Variants in NCKAP5 observed in about 807,000 individuals in gnomAD.
NCKAP5 encodes the protein NCK associated protein 5, also known as nck-associated protein 5.
In NCKAP5, 92 loss-of-function variants were observed where a neutral mutation model predicts 167.0. The observed-to-expected ratio is 0.55, with a 90% CI of 0.47 to 0.66. The LOEUF (loss-of-function observed/expected upper bound fraction) is 0.66. Among genes scored for constraint, NCKAP5 ranks in the 30% least tolerant of loss-of-function variants. NCKAP5 has a pLI of 0.00. For synonymous variants in NCKAP5, 891 were observed against 877.4 expected (o/e 1.02, Z -0.27); for missense variants, 2,378 against 2,315.0 (o/e 1.03, Z -0.56).
chr2:133,532,413 T>C lies in NCKAP5; in HGVS notation c.-61-14826A>G, dbSNP rs538894037. On this transcript the variant is annotated intron_variant, in intron 2 of 19. Transcript: ENST00000409261. ...GTTTGAGTGAGAAGGCAGTGCCAAA[T>C]TGCTCCCCAAAAATGACTGTACTGT... Among the ~76,000 whole-genome samples the C allele has an allele frequency of 9.7e-4, 147 of 152,282 alleles. 1 individual carries two copies. The South Asian group carries it at 0.013, about 14-fold the overall frequency.
the NCKAP5 span, among the ~76,000 whole-genome samples, chr2:133,644,778 A>G: frequency 6.6e-6 from 1 of 152,232 alleles, no homozygotes; most frequent in African/African-American, 2.4e-5. Context: ...CCAAACTTGC[A>G]TAGTTCAGCA....
chr2:133,112,529 C>T (rs2081951747), intron 6 of NCKAP5, among the ~76,000 whole-genome samples: 1 of 151,892 alleles, frequency 6.6e-6, no homozygotes, highest in Non-Finnish European at 1.5e-5. Context: ...CATGACAATA[C>T]AGAGGCCTGC....
At chr2:132,755,301 A>G (rs1010478310) in intron 16 of NCKAP5, among the ~76,000 whole-genome samples, 1 of 152,144 alleles carries the variant, frequency 6.6e-6, no homozygotes, top group South Asian at 2.1e-4. Context: ...CCTGCTTGAG[A>G]GTTGGCTGGA....
the NCKAP5 span, among the ~76,000 whole-genome samples, chr2:133,664,120 A>C: frequency 3.9e-5 from 6 of 152,126 alleles, no homozygotes; most frequent in Non-Finnish European, 8.8e-5. Flanking sequence ...TTGGGTGACC[A>C]GGTGCACTGG....
At chr2:133,342,672 G>A (rs1432500787) in intron 3 of NCKAP5, among the ~76,000 whole-genome samples, 2 of 152,192 alleles carry the variant, frequency 1.3e-5, no homozygotes, top group African/African-American at 4.8e-5. Flanking sequence ...GTATATGCAA[G>A]GTGGAGTCAT....
chr2:133,183,138 G>T (rs2150043569), intron 5 of NCKAP5, among the ~76,000 whole-genome samples: 1 of 151,872 alleles, frequency 6.6e-6, no homozygotes, highest in East Asian at 1.9e-4. Context: ...ACACACAAAA[G>T]AAATCTCCAG....
intron 11 of NCKAP5, among the ~76,000 whole-genome samples, chr2:132,805,862 T>C (rs1685391032): frequency 1.3e-5 from 2 of 152,080 alleles, no homozygotes. Flanking sequence ...TCTGAGAATT[T>C]GGTGGACTCA....
intron 6 of NCKAP5, among the ~76,000 whole-genome samples, chr2:133,113,499 G>A (rs573892974): frequency 6.6e-6 from 1 of 152,316 alleles, no homozygotes; most frequent in African/African-American, 2.4e-5. Context: ...AAAATGCCAA[G>A]CTCCAGGTCC....
At chr2:133,184,556 G>C (rs1177481638) in intron 5 of NCKAP5, among the ~76,000 whole-genome samples, 1 of 151,958 alleles carries the variant, frequency 6.6e-6, no homozygotes, top group African/African-American at 2.4e-5. Context: ...CTTTCCACAG[G>C]GACTGAACTA....
intron 3 of NCKAP5, among the ~76,000 whole-genome samples, chr2:133,426,554 T>C (rs916909799): frequency 6.6e-6 from 1 of 151,824 alleles, no homozygotes; most frequent in Non-Finnish European, 1.5e-5. Context: ...CAGGCTAATA[T>C]CTCTGATGAA....
intron 3 of NCKAP5, among the ~76,000 whole-genome samples, chr2:133,399,240 G>A (rs1343036097): frequency 6.6e-6 from 1 of 152,092 alleles, no homozygotes; most frequent in East Asian, 1.9e-4. Context: ...GGCAGGCCAA[G>A]GGAACAGCGA....
At chr2:133,498,029 C>A (rs1682092451) in intron 3 of NCKAP5, among the ~76,000 whole-genome samples, 1 of 152,212 alleles carries the variant, frequency 6.6e-6, no homozygotes, top group African/African-American at 2.4e-5. Context: ...AAATTCTCCA[C>A]TCCTCTGATC....
At position 133,289,056 on chromosome 2, in the gene NCKAP5, T is replaced by C. The variant is rs891562293; in HGVS notation, c.143+13981A>G. Among the ~76,000 whole-genome samples the C allele has an allele frequency of 2.0e-5, 3 of 152,140 alleles. No homozygotes were observed. In the South Asian group the frequency reaches 6.2e-4, roughly 32 times the overall value. The stretch of plus-strand genomic sequence containing the variant: ...TAAGTAGCAGAGTCAGGACTTAAAC[T>C]CCACATTGCAGAAGATGAACCAGGG... On this transcript the variant is annotated intron_variant, in intron 4 of 19. Transcript: ENST00000409261.
At chr2:133,595,933 A>G in the NCKAP5 span, among the ~76,000 whole-genome samples, 1 of 152,248 alleles carries the variant, frequency 6.6e-6, no homozygotes, top group Non-Finnish European at 1.5e-5. Flanking sequence ...ACCCACATTT[A>G]AAAATGTACA....
At chr2:133,080,269 A>G (rs1436030785) in intron 6 of NCKAP5, among the ~76,000 whole-genome samples, 1 of 152,168 alleles carries the variant, frequency 6.6e-6, no homozygotes, top group Non-Finnish European at 1.5e-5. Context: ...GCATCAAAAC[A>G]TCAGTGGGAA....
Position 133,102,294 on chromosome 2 carries a change from G to A in NCKAP5, c.341+27684C>T, listed in dbSNP as rs185772399. On this transcript the variant is annotated intron_variant, in intron 6 of 19. Transcript: ENST00000409261. ...CCCGAGTAGCCGGGACTATAGGCACGTGCCACCAAGCCTGGCTAATTTTTT... is the reference window on the plus strand; with the variant it reads ...CCCGAGTAGCCGGGACTATAGGCACATGCCACCAAGCCTGGCTAATTTTTT... 1.8e-3 allele frequency among the ~76,000 whole-genome samples: 278 copies of A among 152,126 alleles called. 1 individual carries two copies. The highest frequency in any genetic ancestry group is 6.1e-3 in the African/African-American group (254 of 41,526).
In NCKAP5 at chr2:132,870,308, G is replaced by T. The variant is rs190909708; in HGVS notation, c.649-1334C>A. Among the ~76,000 whole-genome samples the T allele has an allele frequency of 3.0e-3, 460 of 152,264 alleles. 5 individuals are homozygous for T. The highest frequency in any genetic ancestry group is 0.01 in the African/African-American group (428 of 41,546). The stretch of plus-strand genomic sequence containing the variant: ...GAAGCTATGTAGCTACATGGCTACT[G>T]TTGATAAAATTAAGGTGGACAGGTG... On this transcript the variant is annotated intron_variant, in intron 9 of 19. Transcript: ENST00000409261.
intron 11 of NCKAP5, among the ~76,000 whole-genome samples, chr2:132,835,937 T>C (rs893747211): frequency 6.6e-6 from 1 of 152,214 alleles, no homozygotes; most frequent in Non-Finnish European, 1.5e-5. Context: ...GCTTGCAAAG[T>C]GATTACTGCA....
At chr2:133,108,722 C>T (rs2081805817) in intron 6 of NCKAP5, among the ~76,000 whole-genome samples, 1 of 152,206 alleles carries the variant, frequency 6.6e-6, no homozygotes, top group African/African-American at 2.4e-5. Flanking sequence ...CCCTGGCAAC[C>T]ACCATTCTAC....
Sources: allele counts gnomAD v4.1 joint callset (sites outside exome capture counted in the v4.1 genomes callset), GRCh38; gene constraint gnomAD v4.1.1; transcripts MANE v1.5; gene names NCBI Gene and HGNC (gene_info 2026-07-23, HGNC 2026-07-21).